Variants in NHSL1 observed in about 807,000 individuals in gnomAD.
NHSL1 encodes the protein NHS like 1, also known as NHS-like protein 1.
In NHSL1, 48 loss-of-function variants were observed where a neutral mutation model predicts 95.0. The ratio of observed to expected loss-of-function variants is 0.51; its 90% CI spans 0.40 to 0.64. The LOEUF (loss-of-function observed/expected upper bound fraction) is 0.64. Among genes scored for constraint, NHSL1 ranks in the 30% least tolerant of loss-of-function variants. The pLI is 0.00. For missense variants in NHSL1, 1,971 were observed against 2,077.7 expected (o/e 0.95, Z 1.00); for synonymous variants, 783 against 833.9 (o/e 0.94, Z 1.05).
chr6:138,532,554 G>A (rs1782178445), intron 1 of NHSL1, among the ~76,000 whole-genome samples: 1 of 152,078 alleles, frequency 6.6e-6, no homozygotes, highest in South Asian at 2.1e-4. Context: ...GAATGGGAGA[G>A]GAGAGAGAAA....
intron 5 of NHSL1, among the ~76,000 whole-genome samples, chr6:138,439,690 TTG>T (rs1314442378): frequency 4.6e-5 from 7 of 152,330 alleles, no homozygotes; most frequent in African/African-American, 1.7e-4. Context: ...TTAGATACGG[TTG>T]TCTCAGTTGA....
At chr6:138,611,819 A>C (rs1474454273) in intron 1 of NHSL1, among the ~76,000 whole-genome samples, 1 of 151,932 alleles carries the variant, frequency 6.6e-6, no homozygotes, top group Non-Finnish European at 1.5e-5. Context: ...ACACTAAAAA[A>C]TATGTTGAGG....
intron 2 of NHSL1, among the ~76,000 whole-genome samples, chr6:138,487,336 T>C (rs532985415): frequency 6.6e-6 from 1 of 152,326 alleles, no homozygotes; most frequent in South Asian, 2.1e-4. Flanking sequence ...TGAGGCTTAA[T>C]AATACCACCG....
At chr6:138,562,640 GCA>G (rs1783456456) in intron 1 of NHSL1, among the ~76,000 whole-genome samples, 1 of 152,090 alleles carries the variant, frequency 6.6e-6, no homozygotes, top group Non-Finnish European at 1.5e-5. Flanking sequence ...CCAGTCTGGG[GCA>G]CAGAGTAAGA....
chr6:138,608,708 GC>G (rs1784468025), intron 1 of NHSL1, among the ~76,000 whole-genome samples: 1 of 152,078 alleles, frequency 6.6e-6, no homozygotes, highest in African/African-American at 2.4e-5. Flanking sequence ...AAATAATTTG[GC>G]AAAAAACAAA....
chr6:138,429,773 A>G lies in NHSL1; in HGVS notation c.4023T>C (p.Asn1341=). The G allele has an allele frequency of 6.4e-7, 1 of 1,551,886 alleles. No homozygotes were observed. The highest frequency in any genetic ancestry group is 8.7e-7 in the Non-Finnish European group (1 of 1,147,026). Residue 1341 remains asparagine, a synonymous_variant, in exon 7 of 8, where the codon AAT becomes AAC. Transcript: ENST00000343505. ...EACDFLKEDG[N]DEVMTPSRPR... is the part of the protein sequence containing the mutation. The stretch of plus-strand genomic sequence containing the variant: ...GTCGACTGGGGGTCATTACCTCATC[A>G]TTCCCGTCTTCCTTGAGGAAGTCAC...
intron 2 of NHSL1, among the ~76,000 whole-genome samples, chr6:138,473,934 T>G (rs981025196): frequency 6.6e-6 from 1 of 152,174 alleles, no homozygotes; most frequent in Non-Finnish European, 1.5e-5. Flanking sequence ...ATGCTCTCAT[T>G]TTATATTAAT....
At chr6:138,437,355 T>TACACAC (rs376803505) in intron 5 of NHSL1, among the ~76,000 whole-genome samples, 2 of 28,892 alleles carry the variant, frequency 6.9e-5, no homozygotes, top group Admixed American at 3.6e-4. Context: ...CATATATATA[T>TACACAC]ACACATATAT....
At chr6:138,589,085 C>T (rs886686994) in intron 1 of NHSL1, among the ~76,000 whole-genome samples, 1 of 152,146 alleles carries the variant, frequency 6.6e-6, no homozygotes, top group Non-Finnish European at 1.5e-5. Context: ...TATCCTAACA[C>T]CCGCCAAAAT....
chr6:138,611,498 G>A (rs940021779), intron 1 of NHSL1, among the ~76,000 whole-genome samples: 1 of 152,226 alleles, frequency 6.6e-6, no homozygotes, highest in Non-Finnish European at 1.5e-5. Flanking sequence ...TGTAATCCCA[G>A]CACTTTGGGA....
At chr6:138,691,249 C>T (rs7770253) in intron 1 of NHSL1, among the ~76,000 whole-genome samples, 1 of 151,974 alleles carries the variant, frequency 6.6e-6, no homozygotes, top group Non-Finnish European at 1.5e-5. Context: ...TGGAGGGGGA[C>T]GCTCTCCCAG....
At chr6:138,682,182 C>T (rs1194829402) in intron 1 of NHSL1, among the ~76,000 whole-genome samples, 1 of 152,050 alleles carries the variant, frequency 6.6e-6, no homozygotes, top group Non-Finnish European at 1.5e-5. Flanking sequence ...CCATGTTGGC[C>T]AGGCTGGTAA....
Position 138,626,649 on chromosome 6 carries a change from TTTGGGAGGCCGAGGCGGGCGG to T in NHSL1, c.96+65806_96+65826del, listed in dbSNP as rs1217986172. ...TGGCTCACGCCTGTAATCCCAGCAC[TTTGGGAGGCCGAGGCGGGCGG>T]ATCACGAGGTCAGGAGATCGAGACC... On this transcript the variant is annotated intron_variant, in intron 1 of 3. Transcript: ENST00000491526. Among the ~76,000 whole-genome samples, 9 of 132,128 alleles carry T rather than the reference TTTGGGAGGCCGAGGCGGGCGG, an allele frequency of 6.8e-5. 1 individual carries two copies. Among genetic ancestry groups the T allele is most frequent in the Admixed American group, 1.5e-4 (2 of 13,576 alleles). 86.7% of individuals were successfully genotyped at this position (132,128 alleles called of 152,430 possible). A position where few individuals can be genotyped will look rare whatever the true frequency, so the allele number is the denominator to read the frequency against.
intron 1 of NHSL1, among the ~76,000 whole-genome samples, chr6:138,598,554 G>A (rs1047085682): frequency 1.3e-5 from 2 of 148,506 alleles, no homozygotes; most frequent in East Asian, 4.0e-4. Context: ...CCAGAAGTTT[G>A]AGGCTGCAGT....
chr6:138,639,151 A>C (rs1784927193), intron 1 of NHSL1, among the ~76,000 whole-genome samples: 1 of 152,160 alleles, frequency 6.6e-6, no homozygotes, highest in African/African-American at 2.4e-5. Flanking sequence ...TTTTTTTAAG[A>C]GCCATCTGGA....
intron 1 of NHSL1, among the ~76,000 whole-genome samples, chr6:138,637,801 A>G (rs1784906668): frequency 6.6e-6 from 1 of 152,216 alleles, no homozygotes; most frequent in Admixed American, 6.5e-5. Context: ...TACAACCACT[A>G]TGAAGAGCAG....
chr6:138,539,524 G>C (rs1782495853), intron 1 of NHSL1, among the ~76,000 whole-genome samples: 1 of 152,110 alleles, frequency 6.6e-6, no homozygotes, highest in African/African-American at 2.4e-5. Flanking sequence ...ATATGGCTTA[G>C]GTGTAATACT....
At chr6:138,480,873 A>G (rs1779378724) in intron 2 of NHSL1, among the ~76,000 whole-genome samples, 1 of 152,214 alleles carries the variant, frequency 6.6e-6, no homozygotes, top group African/African-American at 2.4e-5. Context: ...TCTTGTTATC[A>G]TTACCTGATT....
chr6:138,473,925 T>C (rs1025054356), intron 2 of NHSL1, among the ~76,000 whole-genome samples: 3 of 152,168 alleles, frequency 2.0e-5, no homozygotes, highest in Non-Finnish European at 4.4e-5. Context: ...TGGATTATAA[T>C]GCTCTCATTT....
Sources: gnomAD v4.1 joint callset for allele counts (sites outside exome capture counted in the v4.1 genomes callset) on GRCh38, gnomAD v4.1.1 for gene constraint, MANE v1.5 for transcripts, NCBI Gene and HGNC (gene_info 2026-07-23, HGNC 2026-07-21) for gene names.